MARK2: variants seen among roughly 807,000 people sequenced by gnomAD.
MARK2 encodes the protein serine/threonine-protein kinase MARK2.
In MARK2, 16 loss-of-function variants were observed where a neutral mutation model predicts 89.8. The ratio of observed to expected loss-of-function variants is 0.18; its 90% CI spans 0.12 to 0.27. The LOEUF is 0.27. MARK2 is among the 10% of genes least tolerant of loss of function. The pLI, the probability that MARK2 is intolerant of heterozygous loss-of-function variation, is 1.00. For synonymous variants in MARK2, 382 were observed against 399.5 expected (o/e 0.96, Z 0.52); for missense variants, 621 against 1,049.9 (o/e 0.59, Z 5.65).
intron 17 of MARK2, among the ~76,000 whole-genome samples, chr11:63,906,420 A>G (rs1941339163): frequency 6.6e-6 from 1 of 152,128 alleles, no homozygotes; most frequent in South Asian, 2.1e-4. Context: ...GCCTGTCCTC[A>G]AGTAAGGGGA....
At chr11:63,881,219 C>T (rs1039189898) in intron 1 of MARK2, among the ~76,000 whole-genome samples, 11 of 151,510 alleles carry the variant, frequency 7.3e-5, no homozygotes, top group African/African-American at 2.4e-4. Context: ...GCAGGAGAAT[C>T]GCTTGAACTC....
intron 1 of MARK2, among the ~76,000 whole-genome samples, chr11:63,846,368 T>C (rs1482414011): frequency 2.0e-5 from 3 of 151,986 alleles, no homozygotes; most frequent in Non-Finnish European, 4.4e-5. Flanking sequence ...AAAAAATTTT[T>C]TTTTTGAGAC....
intron 16 of MARK2, among the ~76,000 whole-genome samples, chr11:63,905,599 C>T (rs1157646480): frequency 6.6e-6 from 1 of 152,244 alleles, no homozygotes; most frequent in Non-Finnish European, 1.5e-5. Context: ...CCTAACCTAA[C>T]TCCGATGTGC....
intron 1 of MARK2, among the ~76,000 whole-genome samples, chr11:63,842,480 A>C (rs1234363071): frequency 7.2e-5 from 11 of 152,104 alleles, no homozygotes; most frequent in Non-Finnish European, 1.5e-5. Context: ...TGCTGGGATT[A>C]CAGGTGTGAG....
chr11:63,896,913 G>C (rs1940454898), intron 3 of MARK2, among the ~76,000 whole-genome samples: 2 of 152,094 alleles, frequency 1.3e-5, no homozygotes, highest in Admixed American at 6.6e-5. Flanking sequence ...TCCTGACCTT[G>C]TTTTTCTCCC....
chr11:63,868,782 G>C, intron 1 of MARK2: 1 of 456,054 alleles, frequency 2.2e-6, no homozygotes, highest in Non-Finnish European at 4.4e-6. Context: ...ACTAGTGTTG[G>C]GAATATTGTC....
At chr11:63,870,476 C>G (rs1938382926) in intron 1 of MARK2, among the ~76,000 whole-genome samples, 2 of 152,082 alleles carry the variant, frequency 1.3e-5, no homozygotes, top group African/African-American at 4.8e-5. Flanking sequence ...AGGAGTCACT[C>G]CGAGAAAAGC....
At chr11:63,866,508 CCTT>C (rs1938138174) in intron 1 of MARK2, among the ~76,000 whole-genome samples, 1 of 152,136 alleles carries the variant, frequency 6.6e-6, no homozygotes, top group Admixed American at 6.5e-5. Flanking sequence ...TGATGTTAAA[CCTT>C]CATTATGACT....
At chr11:63,854,186 C>CTGTGTGTGTGTG (rs55689743) in intron 1 of MARK2, among the ~76,000 whole-genome samples, 27 of 141,664 alleles carry the variant, frequency 1.9e-4, no homozygotes, top group East Asian at 4.3e-4. Flanking sequence ...ACTATTAATT[C>CTGTGTGTGTGTG]TGTGTGTGTG....
intron 1 of MARK2, among the ~76,000 whole-genome samples, chr11:63,840,276 A>T (rs1393781750): frequency 6.6e-6 from 1 of 151,908 alleles, no homozygotes; most frequent in African/African-American, 2.4e-5. Flanking sequence ...CACAGCTGTC[A>T]TGCGCATAGT....
Position 63,839,486 on chromosome 11 carries a change from C to G in MARK2, c.-21C>G. ...CCCTTCCTCCAAGCTTCTCGGTTCC[C>G]TCCCCCGAGATACCGGCGCCATGTC... is the stretch of plus-strand genomic sequence containing the variant. On this transcript the variant is annotated 5_prime_UTR_variant, in exon 1 of 19. Coordinates refer to ENST00000402010, the MANE Select transcript of MARK2 (RefSeq NM_001039469.3). 6.7e-7 allele frequency: 1 copy of G among 1,493,532 alleles called. No individual in the cohort carries two copies. Among genetic ancestry groups the G allele is most frequent in the Non-Finnish European group, 9.1e-7 (1 of 1,102,278 alleles). The allele number at this position is 1,493,532 out of a possible 1,614,324, so 92.5% of individuals were successfully genotyped here. A position where few individuals can be genotyped will look rare whatever the true frequency, so the allele number is the denominator to read the frequency against.
intron 1 of MARK2, chr11:63,868,835 A>G (rs1565110357): frequency 2.2e-6 from 1 of 456,030 alleles, no homozygotes; most frequent in Middle Eastern, 3.3e-4. Flanking sequence ...GGCTGGAGTT[A>G]TTTATAGTGG....
chr11:63,849,332 G>A (rs2016446191), intron 1 of MARK2, among the ~76,000 whole-genome samples: 1 of 152,184 alleles, frequency 6.6e-6, no homozygotes, highest in Non-Finnish European at 1.5e-5. Flanking sequence ...AGGAAGTGGG[G>A]CTCCTTAGGC....
intron 1 of MARK2, among the ~76,000 whole-genome samples, chr11:63,876,687 A>C (rs906541826): frequency 6.8e-5 from 10 of 148,134 alleles, no homozygotes; most frequent in African/African-American, 2.4e-4. Context: ...TTTGTTGGGT[A>C]GGAGCTGTAT....
chr11:63,859,863 C>T (rs1456737470), intron 1 of MARK2, among the ~76,000 whole-genome samples: 8 of 152,214 alleles, frequency 5.3e-5, no homozygotes, highest in African/African-American at 1.9e-4. Flanking sequence ...AACTCTTGAC[C>T]TGGTGATCCA....
chr11:63,873,272 C>T (rs893737442), intron 1 of MARK2, among the ~76,000 whole-genome samples: 58 of 152,208 alleles, frequency 3.8e-4, no homozygotes, highest in African/African-American at 1.3e-3. Context: ...TACAATATCC[C>T]TTTTTTCCCG....
intron 1 of MARK2, among the ~76,000 whole-genome samples, chr11:63,894,310 C>G (rs544008386): frequency 6.6e-6 from 1 of 152,206 alleles, no homozygotes; most frequent in Non-Finnish European, 1.5e-5. Context: ...CGTAGTTCAG[C>G]GGCAGAAATT....
chr11:63,908,155 C>G lies in MARK2; in HGVS notation c.1962-105C>G, dbSNP rs371402571. ...AGAGGGCCCTGGGCTTGGGTCCTGC[C>G]CACCCACTGGTGGCACCTCCCCAGA... On this transcript the variant is annotated intron_variant, in intron 17 of 18. Transcript: ENST00000402010. The G allele has an allele frequency of 3.4e-5, 35 of 1,035,948 alleles. No individual in the cohort carries two copies. The Admixed American group carries it at 5.5e-4, about 16-fold the overall frequency. 64.2% of individuals were successfully genotyped at this position (1,035,948 alleles called of 1,614,324 possible).
Position 63,853,830 on chromosome 11 carries a change from A to AT in MARK2, c.54+14278dup, listed in dbSNP as rs112331466. 2.9e-3 allele frequency among the ~76,000 whole-genome samples: 445 copies of AT among 151,840 alleles called. 2 individuals are homozygous for AT. The highest frequency in any genetic ancestry group is 0.01 in the African/African-American group (426 of 41,442). On this transcript the variant is annotated intron_variant, in intron 1 of 18. Coordinates refer to ENST00000402010, the MANE Select transcript of MARK2 (RefSeq NM_001039469.3). ...CTTGAATGAAGGATTAAAGACTATC[A>AT]TTTTTTTTATTTACTTATTTATTTA...
Sources: allele counts gnomAD v4.1 joint callset (sites outside exome capture counted in the v4.1 genomes callset), GRCh38; gene constraint gnomAD v4.1.1; transcripts MANE v1.5; gene names NCBI Gene and HGNC (gene_info 2026-07-23, HGNC 2026-07-21).